USP9Y: variants seen among roughly 807,000 people sequenced by gnomAD.
The protein encoded by USP9Y is ubiquitin carboxyl-terminal hydrolase 9Y.
In USP9Y, 41 loss-of-function variants were observed where a neutral mutation model predicts 53.1. The ratio of observed to expected loss-of-function variants is 0.77; its 90% confidence interval spans 0.60 to 1.00. USP9Y has a LOEUF of 1.00. USP9Y is among the 50% of genes least tolerant of loss of function. USP9Y has a pLI of 0.00. For missense variants in USP9Y, 567 were observed against 535.8 expected (o/e 1.06, Z -0.58); for synonymous variants, 220 against 173.7 (o/e 1.27, Z -2.09).
intron 17 of USP9Y, among the ~76,000 whole-genome samples, chrY:12,774,897 A>G: frequency 6.0e-5 from 2 of 33,404 alleles, no homozygotes; most frequent in East Asian, 1.5e-3. Context: ...AAACATTTTA[A>G]CTAGTAGTAA....
At chrY:12,707,721 T>C (rs2053420553) in intron 1 of USP9Y, among the ~76,000 whole-genome samples, 1 of 31,976 alleles carries the variant, frequency 3.1e-5, no homozygotes, top group Admixed American at 2.9e-4. Flanking sequence ...CTTGCTTTGA[T>C]TTCAAGTTTT....
rs1164356050 is a variant in USP9Y at position 12,775,548 on chromosome Y, A to G, written c.2409A>G (p.Pro803=). The change falls in exon 18 of 46, where the codon CCA becomes CCG. Residue 803 remains proline, a synonymous_variant. Coordinates refer to ENST00000338981, the MANE Select transcript of USP9Y (RefSeq NM_004654.4). The part of the protein sequence containing the change: ...LLKEIYTNLG[P]RLKANQVVIH... ...AAGAGATATACACAAACCTTGGCCC[A>G]AGATTAAAAGCCAATCAGGTGAGAA... is the stretch of plus-strand genomic sequence containing the variant. 1 of 391,624 alleles carries G rather than the reference A, an allele frequency of 2.6e-6. No individual in the cohort carries two copies. Among genetic ancestry groups the G allele is most frequent in the Admixed American group, 7.5e-5 (1 of 13,256 alleles).
intron 42 of USP9Y, among the ~76,000 whole-genome samples, chrY:12,847,753 C>T (rs2053568426): frequency 3.2e-5 from 1 of 30,940 alleles, no homozygotes; most frequent in Non-Finnish European, 7.7e-5. Flanking sequence ...TTGTGACAGT[C>T]TCCTCAGAAT....
chrY:12,757,555 C>T (rs2053470305), intron 13 of USP9Y, among the ~76,000 whole-genome samples, 157 bp downstream of exon 13: 1 of 33,495 alleles, frequency 3.0e-5, no homozygotes, highest in Non-Finnish European at 7.4e-5. Flanking sequence ...GGCGCGATCT[C>T]GGCTTACTGC....
chrY:12,840,761 T>C (rs745798348), intron 36 of USP9Y, 147 bp downstream of exon 36: 74 of 185,050 alleles, frequency 4.0e-4, no homozygotes, highest in Non-Finnish European at 6.0e-4. Context: ...TATATGAATG[T>C]GTTGGCTTTT....
At chrY:12,711,846 C>T (rs2053425153) in intron 3 of USP9Y, among the ~76,000 whole-genome samples, 1 of 32,452 alleles carries the variant, frequency 3.1e-5, no homozygotes, top group Non-Finnish European at 7.5e-5. Context: ...AGGCTGTTCT[C>T]GAACTCCTGA....
chrY:12,751,243 C>T (rs2148283153), intron 12 of USP9Y, among the ~76,000 whole-genome samples: 2 of 32,356 alleles, frequency 6.2e-5, no homozygotes, highest in Non-Finnish European at 1.5e-4. Flanking sequence ...ATCTCCTGAC[C>T]TCGTGATCCG....
chrY:12,709,497 G>T lies in USP9Y; in HGVS notation c.50G>T (p.Gly17Val). The change falls in exon 3 of 46, where the codon GGC becomes GTC. Residue 17 changes from glycine (G) to valine (V), a missense_variant. Gly to Val is a moderately radical substitution (Grantham distance 109). Coordinates refer to ENST00000338981, the MANE Select transcript of USP9Y (RefSeq NM_004654.4). Reference protein sequence around the residue: ...GSPVGGNDSQGQVLDGQSQHL... With the variant: ...GSPVGGNDSQVQVLDGQSQHL... The stretch of plus-strand genomic sequence containing the variant: ...CCAGTAGGAGGGAACGACAGCCAGG[G>T]CCAGGTTCTTGATGGCCAGTCTCAG... 2.5e-6 allele frequency: 1 copy of T among 398,612 alleles called. No individual in the cohort carries two copies.
chrY:12,761,759 A>T (rs2053475544), intron 15 of USP9Y, among the ~76,000 whole-genome samples: 1 of 34,045 alleles, frequency 2.9e-5, no homozygotes, highest in Admixed American at 2.7e-4. Flanking sequence ...TATCTGTGGA[A>T]TTCAATCATA....
In USP9Y at chrY:12,701,835, A is replaced by C. The variant is rs1603194972; in HGVS notation, c.-341A>C. 1 of 33,828 alleles carries C rather than the reference A, an allele frequency of 3.0e-5. No homozygotes were observed. Among genetic ancestry groups the C allele is most frequent in the Admixed American group, 2.7e-4 (1 of 3,740 alleles). The allele number at this position is 33,828 out of a possible 400,897, so 8.4% of individuals were successfully genotyped here. Reference sequence around the variant, plus strand: ...TAATAGAATGAGGAAGACACACCAGATATTTAGGAGGGAATTAGCGAGCTT... The same window carrying C: ...TAATAGAATGAGGAAGACACACCAGCTATTTAGGAGGGAATTAGCGAGCTT... On this transcript the variant is annotated 5_prime_UTR_variant, in exon 1 of 46. Transcript: ENST00000338981.
At chrY:12,710,408 T>C (rs751779699) in intron 3 of USP9Y, among the ~76,000 whole-genome samples, 25 of 33,233 alleles carry the variant, frequency 7.5e-4, no homozygotes, top group South Asian at 2.0e-3. Context: ...ATTAATTGCA[T>C]TGAGCTAATG....
Position 12,840,017 on chromosome Y carries a change from G to A in USP9Y, c.5491G>A (p.Val1831Ile). 5.0e-6 allele frequency: 2 copies of A among 398,541 alleles called. No individual in the cohort carries two copies. The highest frequency in any genetic ancestry group is 7.1e-6 in the Non-Finnish European group (2 of 283,414). ...PRELDMGPYTVAGVANLERDN... is the reference protein window; with the variant it reads ...PRELDMGPYTIAGVANLERDN... ...AGAGCTGGATATGGGACCTTACACA[G>A]TAGCAGGTGTTGCAAACCTGGAAAG... The change falls in exon 36 of 46, where the codon GTA becomes ATA. Residue 1831 changes from valine (V) to isoleucine (I), a missense_variant. Val to Ile is a conservative substitution (Grantham distance 29). Transcript: ENST00000338981.
At chrY:12,802,470 C>T in intron 27 of USP9Y, 1 of 34,783 alleles carries the variant, frequency 2.9e-5, no homozygotes. Flanking sequence ...ACAGCAAAGA[C>T]ACTGTCAGCT....
At position 12,728,951 on chromosome Y, in the gene USP9Y, G is replaced by A. The variant is rs377057326; in HGVS notation, c.657+2158G>A. 4.7e-3 allele frequency among the ~76,000 whole-genome samples: 157 copies of A among 33,514 alleles called. No individual in the cohort carries two copies. In the East Asian group the frequency reaches 0.1, roughly 22 times the overall value. 89.9% of individuals were successfully genotyped at this position (33,514 alleles called of 37,273 possible). A position where few individuals can be genotyped will look rare whatever the true frequency, so the allele number is the denominator to read the frequency against. ...GTTTTTGAGACAGTCTTGCTCTGTC[G>A]CCCAAGCTGGAGTGCAGCGGCATGA... On this transcript the variant is annotated intron_variant, in intron 7 of 45. Transcript: ENST00000338981.
At chrY:12,797,979 C>G in intron 27 of USP9Y, among the ~76,000 whole-genome samples, 1 of 30,586 alleles carries the variant, frequency 3.3e-5, no homozygotes, top group Non-Finnish European at 7.9e-5. Flanking sequence ...CTCTACTTTC[C>G]CCTTCCCTCC....
intron 15 of USP9Y, among the ~76,000 whole-genome samples, chrY:12,766,265 TA>T (rs2053479845): frequency 5.9e-5 from 2 of 33,808 alleles, no homozygotes; most frequent in Non-Finnish European, 7.3e-5. Flanking sequence ...TGTTACACAG[TA>T]TTCACAGTCC....
intron 33 of USP9Y, among the ~76,000 whole-genome samples, chrY:12,827,227 G>A (rs991189587): frequency 3.0e-5 from 1 of 33,375 alleles, no homozygotes; most frequent in Non-Finnish European, 7.4e-5. Context: ...AGGAAAAATA[G>A]CTGTTCCTCC....
Position 12,840,340 on chromosome Y carries a change from C to T in USP9Y, c.5814C>T (p.Arg1938=), listed in dbSNP as rs781185786. 1 of 398,052 alleles carries T rather than the reference C, an allele frequency of 2.5e-6. No individual in the cohort carries two copies. ...MGEVFDHMMK[R]MSYRRQKRWW... ...AAGTATTTGATCACATGATGAAGCG[C>T]ATGTCATATAGGCGACAGAAGAGGT... Residue 1938 remains arginine (R), a synonymous_variant, in exon 36 of 46, where the codon CGC becomes CGT. Transcript: ENST00000338981.
At chrY:12,836,721 A>T in intron 34 of USP9Y, among the ~76,000 whole-genome samples, 2 of 33,502 alleles carry the variant, frequency 6.0e-5, no homozygotes, top group African/African-American at 1.2e-4. Context: ...TTTGAAACGG[A>T]GTCTTGTTCT....
Sources: allele counts gnomAD v4.1 joint callset (sites outside exome capture counted in the v4.1 genomes callset), GRCh38; gene constraint gnomAD v4.1.1; transcripts MANE v1.5; gene names NCBI Gene and HGNC (gene_info 2026-07-23, HGNC 2026-07-21).